Variants in MDN1 observed in about 807,000 individuals in gnomAD.
The protein encoded by MDN1 is midasin.
Under a neutral mutation model 669.2 loss-of-function variants are expected in MDN1, and 266 were observed. That is an observed-to-expected ratio of 0.40 (90% CI 0.36 to 0.44). MDN1 has a LOEUF of 0.44. MDN1 is among the 20% of genes least tolerant of loss of function. The probability of loss-of-function intolerance (pLI) is 1.00; values close to 1 mark genes in which losing one functional copy is unlikely to be tolerated. For missense variants in MDN1, 5,940 were observed against 6,754.0 expected (o/e 0.88, Z 4.22); for synonymous variants, 2,385 against 2,457.1 (o/e 0.97, Z 0.87).
intron 50 of MDN1, among the ~76,000 whole-genome samples, chr6:89,709,696 T>C (rs530969419): frequency 4.3e-4 from 66 of 152,322 alleles, no homozygotes; most frequent in Admixed American, 3.5e-3. Flanking sequence ...CAAATGAAGA[T>C]GGAGGTAGAA....
Position 89,658,672 on chromosome 6 carries a change from C to T in MDN1, c.14959G>A (p.Asp4987Asn), listed in dbSNP as rs772029864. ...EEQQQSVEEK[D>N]KEADEEGGEN... is the part of the protein sequence containing the mutation. ...CCACCTTCTTCATCGGCTTCCTTGT[C>T]TTTTTCCTCCACAGACTGCTGCTGC... The change falls in exon 89 of 102, where the codon GAC becomes AAC. Residue 4987 changes from aspartate to asparagine, a missense_variant. By Grantham distance (23) the Asp-to-Asn change is conservative (BLOSUM62 1). Around this residue, in one of 5 missense-constraint regions of MDN1, gnomAD observed 2,280 missense variants for 2,576.3 expected, o/e 0.88. Transcript: ENST00000369393. 6.2e-7 allele frequency: 1 copy of T among 1,613,778 alleles called. No homozygotes were observed. The highest frequency in any genetic ancestry group is 1.3e-5 in the African/African-American group (1 of 74,932).
At chr6:89,800,090 T>C (rs942801298) in intron 2 of MDN1, among the ~76,000 whole-genome samples, 1 of 151,666 alleles carries the variant, frequency 6.6e-6, no homozygotes, top group African/African-American at 2.4e-5. Context: ...AAAGATATAA[T>C]AAATCATGTC....
At position 89,723,037 on chromosome 6, in the gene MDN1, T is replaced by C; in HGVS notation, c.5885A>G (p.Gln1962Arg). 3.7e-6 allele frequency: 6 copies of C among 1,614,112 alleles called. No homozygotes were observed. The highest frequency in any genetic ancestry group is 5.1e-6 in the Non-Finnish European group (6 of 1,179,956). ...ACCAGGATCATAACACCCAGGGGAC[T>C]GGTCAACCAGCATCAACTGACACCA... ...FRWCQLMLVD[Q>R]SPGCYDPGQH... The change falls in exon 40 of 102, where the codon CAG (glutamine) becomes CGG (arginine). Residue 1962 changes from glutamine (Q) to arginine (R), a missense_variant. This residue lies in a region of MDN1 where 2,292 missense variants were observed against 2,638.3 expected (regional missense o/e 0.87). Coordinates refer to ENST00000369393, the MANE Select transcript of MDN1 (RefSeq NM_014611.3).
At chr6:89,747,255 G>A in intron 27 of MDN1, 74 bp downstream of exon 27, 2 of 1,530,034 alleles carry the variant, frequency 1.3e-6, no homozygotes, top group South Asian at 2.4e-5. Flanking sequence ...CACAATTTGA[G>A]GCAAGATTTG....
intron 59 of MDN1, among the ~76,000 whole-genome samples, chr6:89,696,924 C>T (rs775437439): frequency 3.2e-4 from 48 of 152,268 alleles, no homozygotes; most frequent in Non-Finnish European, 6.2e-4. Context: ...GAGCCAGGGA[C>T]AAAATATGCC....
chr6:89,740,095 A>G, intron 32 of MDN1, 139 bp downstream of exon 32: 3 of 926,026 alleles, frequency 3.2e-6, no homozygotes, highest in Admixed American at 3.4e-5. Context: ...TTATTTTAAA[A>G]TATTTTTGAG....
intron 31 of MDN1, 107 bp downstream of exon 31, chr6:89,743,043 C>T (rs987278235): frequency 2.5e-5 from 33 of 1,341,672 alleles, no homozygotes; most frequent in African/African-American, 1.0e-4. Context: ...GATCATGACA[C>T]GGCACTGCAG....
At chr6:89,739,657 G>A (rs1487432211) in intron 32 of MDN1, among the ~76,000 whole-genome samples, 2 of 152,102 alleles carry the variant, frequency 1.3e-5, no homozygotes, top group African/African-American at 2.4e-5. Flanking sequence ...AACCAACAAG[G>A]TTGTTGGTTC....
intron 55 of MDN1, among the ~76,000 whole-genome samples, chr6:89,701,293 C>T (rs1813144234): frequency 6.6e-6 from 1 of 152,152 alleles, no homozygotes; most frequent in African/African-American, 2.4e-5. Context: ...GTATGAGGTA[C>T]TGTAAGTAAT....
In MDN1 at chr6:89,661,439, T is replaced by C. The variant is rs202049803; in HGVS notation, c.14705A>G (p.Glu4902Gly). The part of the protein sequence containing the change: ...KNGGEDTDNE[E>G]GEEENPLEIK... ...GTTTCTGAAAGACGCACCTTCTCCT[T>C]CTTCATTGTCGGTGTCCTCACCACC... Residue 4902 changes from glutamate to glycine, a missense_variant, in exon 88 of 102, where the codon GAA becomes GGA. Glu to Gly is a moderately conservative substitution (Grantham distance 98). This residue lies in a region of MDN1 where 2,280 missense variants were observed against 2,576.3 expected (regional missense o/e 0.88). Coordinates refer to ENST00000369393, the MANE Select transcript of MDN1 (RefSeq NM_014611.3). 1,534 of 1,611,584 alleles carry C rather than the reference T, an allele frequency of 9.5e-4. 23 individuals are homozygous for C. In the South Asian group the frequency reaches 0.016, roughly 17 times the overall value.
At chr6:89,647,241 A>C (rs1329512131) in intron 99 of MDN1, among the ~76,000 whole-genome samples, 1 of 152,250 alleles carries the variant, frequency 6.6e-6, no homozygotes, top group East Asian at 1.9e-4. Flanking sequence ...TTTCAAGAAC[A>C]GAAAACAACT....
chr6:89,761,686 T>A lies in MDN1; in HGVS notation c.2419A>T (p.Met807Leu). 6.2e-7 allele frequency: 1 copy of A among 1,612,756 alleles called. No individual in the cohort carries two copies. The highest frequency in any genetic ancestry group is 8.5e-7 in the Non-Finnish European group (1 of 1,179,394). Residue 807 changes from methionine to leucine, a missense_variant, in exon 17 of 102, where the codon ATG becomes TTG. Physicochemically the swap from Met to Leu is conservative, Grantham distance 15 (BLOSUM62 2). Transcript: ENST00000369393. ...AATAAGGTATTTTCAGTCATTTTCA[T>A]CTGTTGTTGGGCATGGTTGAGTCTA... ...GLRLNHAQQQMKMTENTLLFA... is the reference protein window; with the variant it reads ...GLRLNHAQQQLKMTENTLLFA...
At position 89,683,114 on chromosome 6, in the gene MDN1, T is replaced by C; in HGVS notation, c.12102+18A>G. The C allele has an allele frequency of 2.5e-6, 4 of 1,613,442 alleles. No homozygotes were observed. Among genetic ancestry groups the C allele is most frequent in the Non-Finnish European group, 3.4e-6 (4 of 1,179,726 alleles). On this transcript the variant is annotated intron_variant, in intron 73 of 101. Transcript: ENST00000369393. ...GACTGGCTTGGGAATAAGCCAGCAC[T>C]GTCCCACAACCAAGTACCTGCCCAG... is the stretch of plus-strand genomic sequence containing the variant.
At position 89,729,011 on chromosome 6, in the gene MDN1, C is replaced by T; in HGVS notation, c.5269G>A (p.Val1757Ile). The T allele has an allele frequency of 6.2e-7, 1 of 1,614,134 alleles. No homozygotes were observed. Among genetic ancestry groups the T allele is most frequent in the South Asian group, 1.1e-5 (1 of 91,088 alleles). The change falls in exon 36 of 102, where the codon GTT (valine) becomes ATT (isoleucine). Residue 1757 changes from valine to isoleucine, a missense_variant. Physicochemically the swap from Val to Ile is conservative, Grantham distance 29 (BLOSUM62 3). Around this residue, in one of 5 missense-constraint regions of MDN1, gnomAD observed 2,292 missense variants for 2,638.3 expected, o/e 0.87. Transcript: ENST00000369393. ...KPILLEGSPG[V>I]GKTSLVGALA... ...GCTCCCACCAAACTTGTCTTGCCAA[C>T]ACCAGGGGAACCCTCCAGGAGAATG...
chr6:89,794,340 A>T, intron 3 of MDN1, 133 bp from the exon 4 acceptor site: 1 of 670,512 alleles, frequency 1.5e-6, no homozygotes, highest in Non-Finnish European at 2.5e-6. Flanking sequence ...CAGAAAATAC[A>T]AATCAGGCAC....
At position 89,704,361 on chromosome 6, in the gene MDN1, G is replaced by A. The variant is rs548797988; in HGVS notation, c.8148+1698C>T. On this transcript the variant is annotated intron_variant, in intron 53 of 101. Transcript: ENST00000369393. The stretch of plus-strand genomic sequence containing the variant: ...CACGCCATTGCATTCCAGCATGGGC[G>A]ACAGAGCGAGACTCTGTCTCAAAAA... 3.0e-4 allele frequency among the ~76,000 whole-genome samples: 45 copies of A among 152,292 alleles called. 1 individual carries two copies. The highest frequency in any genetic ancestry group is 4.7e-4 in the Non-Finnish European group (32 of 68,026).
intron 88 of MDN1, among the ~76,000 whole-genome samples, chr6:89,660,579 CA>C (rs1562047632): frequency 1.3e-5 from 2 of 151,736 alleles, no homozygotes; most frequent in African/African-American, 2.4e-5. Context: ...TATTTAAAAG[CA>C]GACAGCATAT....
intron 8 of MDN1, among the ~76,000 whole-genome samples, chr6:89,786,974 C>T (rs1818995839): frequency 6.7e-6 from 1 of 148,258 alleles, no homozygotes; most frequent in Non-Finnish European, 1.5e-5. Flanking sequence ...GGCACAGTGG[C>T]ATGTGCCTGT....
rs753147734 is a variant in MDN1, at chr6:89,687,320, G to C, written c.11450+24C>G. 4 of 1,601,026 alleles carry C rather than the reference G, an allele frequency of 2.5e-6. No homozygotes were observed. In the South Asian group the frequency reaches 4.4e-5, roughly 18 times the overall value. ...CAAAAGCCCTTACAACCTAAGTTTA[G>C]GAGAGGGAAGGAGAGTCACTTACTT... On this transcript the variant is annotated intron_variant, in intron 68 of 101. Coordinates refer to ENST00000369393, the MANE Select transcript of MDN1 (RefSeq NM_014611.3).
Sources: gnomAD v4.1 joint callset for allele counts (sites outside exome capture counted in the v4.1 genomes callset) on GRCh38, gnomAD v4.1.1 for gene constraint, gnomAD v4.1.1 regional missense constraint, MANE v1.5 for transcripts, NCBI Gene and HGNC (gene_info 2026-07-23, HGNC 2026-07-21) for gene names.